The following SPON1 variants were observed in gnomAD, a reference collection of about 807,000 sequenced individuals.
SPON1 encodes spondin 1.
SPON1 carries 52 observed loss-of-function variants against 111.7 expected under a neutral mutation model. The ratio of observed to expected loss-of-function variants is 0.47; its 90% CI spans 0.37 to 0.59. The LOEUF (loss-of-function observed/expected upper bound fraction) is 0.59, where lower values mean the gene tolerates loss of function less well. Among genes scored for constraint, SPON1 ranks in the 20% least tolerant of loss-of-function variants. SPON1 has a pLI of 0.00. For synonymous variants in SPON1, 410 were observed against 395.8 expected (o/e 1.04, Z -0.43); for missense variants, 957 against 1,068.5 (o/e 0.90, Z 1.46).
chr11:14,247,858 A>G (rs1222713922), intron 7 of SPON1, among the ~76,000 whole-genome samples: 1 of 152,236 alleles, frequency 6.6e-6, no homozygotes, highest in Non-Finnish European at 1.5e-5. Flanking sequence ...ATGGTTGGCT[A>G]GATAGCTCTG....
chr11:14,008,699 C>G (rs369439982), intron 2 of SPON1, among the ~76,000 whole-genome samples: 16 of 152,198 alleles, frequency 1.1e-4, no homozygotes, highest in Non-Finnish European at 1.5e-5. Flanking sequence ...TCTACTCAGG[C>G]TCTGGATACC....
chr11:14,145,189 G>A, intron 6 of SPON1, among the ~76,000 whole-genome samples: 1 of 152,196 alleles, frequency 6.6e-6, no homozygotes, highest in Admixed American at 6.5e-5. Context: ...GATTACAGTA[G>A]GACAAGCTGC....
chr11:14,220,811 T>C (rs572342837), intron 6 of SPON1, among the ~76,000 whole-genome samples: 200 of 152,338 alleles, frequency 1.3e-3, no homozygotes, highest in African/African-American at 4.7e-3. Flanking sequence ...GTAATGTTAA[T>C]GTTATTACCC....
chr11:14,062,758 C>T (rs1270406265), intron 3 of SPON1, among the ~76,000 whole-genome samples: 1 of 152,224 alleles, frequency 6.6e-6, no homozygotes, highest in African/African-American at 2.4e-5. Flanking sequence ...ATAATAGAAA[C>T]ATCCTTCACA....
chr11:14,069,910 C>T (rs1848862006), intron 3 of SPON1, among the ~76,000 whole-genome samples: 1 of 152,008 alleles, frequency 6.6e-6, no homozygotes, highest in African/African-American at 2.4e-5. Flanking sequence ...TTTTCTTCTC[C>T]CATGGGCCCA....
chr11:14,000,954 A>ATAAGAACTTC (rs534296267), intron 2 of SPON1, among the ~76,000 whole-genome samples: 28 of 152,360 alleles, frequency 1.8e-4, no homozygotes, highest in African/African-American at 6.3e-4. Flanking sequence ...GAAGAGTTGT[A>ATAAGAACTTC]TAAGAACTTC....
At chr11:13,987,477 A>T (rs1181604537) in intron 2 of SPON1, among the ~76,000 whole-genome samples, 1 of 152,182 alleles carries the variant, frequency 6.6e-6, no homozygotes, top group Non-Finnish European at 1.5e-5. Context: ...GATAGAGTGC[A>T]AAAATTTTCT....
intron 1 of SPON1, among the ~76,000 whole-genome samples, chr11:13,980,201 C>T (rs952707177): frequency 3.3e-5 from 5 of 151,970 alleles, no homozygotes; most frequent in Non-Finnish European, 5.9e-5. Flanking sequence ...CCACCATGTC[C>T]GGCTAATTTT....
In SPON1 at chr11:14,057,837, A is replaced by AAAC. The variant is rs1564895387; in HGVS notation, c.479+16185_479+16186insCAA. ...TAGTGAGACCTTGTCTCTACAAAAA[A>AAAC]AAAAAACAAAACAAAAACTTAAAAA... On this transcript the variant is annotated intron_variant, in intron 3 of 15. Coordinates refer to ENST00000576479, the MANE Select transcript of SPON1 (RefSeq NM_006108.4). 2.1e-4 allele frequency among the ~76,000 whole-genome samples: 31 copies of AAAC among 148,526 alleles called. 1 individual carries two copies. The highest frequency in any genetic ancestry group is 7.4e-4 in the African/African-American group (30 of 40,792).
At position 14,228,795 on chromosome 11, in the gene SPON1, G is replaced by C. The variant is rs544480683; in HGVS notation, c.826-14537G>C. On this transcript the variant is annotated intron_variant, in intron 6 of 15. Transcript: ENST00000576479. The surrounding 1 kb of genome is among the most constrained non-coding windows in gnomAD (Gnocchi z 4.2). ...CACAATAAAGTTGTATAGGGCAACC[G>C]TGAGATGTGAAAACAAATGCATCCC... Among the ~76,000 whole-genome samples, 1 of 152,168 alleles carries C rather than the reference G, an allele frequency of 6.6e-6. No individual in the cohort carries two copies. The highest frequency in any genetic ancestry group is 6.5e-5 in the Admixed American group (1 of 15,276).
intron 5 of SPON1, among the ~76,000 whole-genome samples, chr11:14,115,084 G>A (rs1849257117): frequency 6.6e-6 from 1 of 152,050 alleles, no homozygotes; most frequent in African/African-American, 2.4e-5. Context: ...TCCCACCTTT[G>A]CCTCTTACAG....
At position 14,071,873 on chromosome 11, in the gene SPON1, A is replaced by G. The variant is rs375470083; in HGVS notation, c.480-3472A>G. ...GCCACCTCGCCCGGCTAATTTTTGT[A>G]TTTTTGGTAGAGATGAGGTTTTAGC... On this transcript the variant is annotated intron_variant, in intron 3 of 15. Coordinates refer to ENST00000576479, the MANE Select transcript of SPON1 (RefSeq NM_006108.4). 3.2e-3 allele frequency among the ~76,000 whole-genome samples: 486 copies of G among 152,076 alleles called. 3 individuals carry two copies. The highest frequency in any genetic ancestry group is 0.011 in the African/African-American group (465 of 41,502).
intron 1 of SPON1, among the ~76,000 whole-genome samples, chr11:13,973,212 T>C (rs1406000328): frequency 6.6e-6 from 1 of 152,200 alleles, no homozygotes; most frequent in East Asian, 1.9e-4. Flanking sequence ...TTGTGATTAG[T>C]CCAGTATGGG....
At chr11:14,136,184 A>G (rs986277128) in intron 6 of SPON1, among the ~76,000 whole-genome samples, 11 of 152,204 alleles carry the variant, frequency 7.2e-5, no homozygotes, top group Non-Finnish European at 1.5e-4. Context: ...AAGCCTAATC[A>G]GGTTGACACC....
At chr11:14,245,955 A>G (rs1554940219) in intron 7 of SPON1, among the ~76,000 whole-genome samples, 1 of 152,212 alleles carries the variant, frequency 6.6e-6, no homozygotes, top group Non-Finnish European at 1.5e-5. Context: ...CCCTTTGCAT[A>G]ATTAACATCA....
At chr11:13,967,462 C>T (rs1223825316) in intron 1 of SPON1, among the ~76,000 whole-genome samples, 1 of 150,946 alleles carries the variant, frequency 6.6e-6, no homozygotes, top group Non-Finnish European at 1.5e-5. Context: ...CATGAAGAAC[C>T]TTGTCAGCCT....
In SPON1 at chr11:14,024,691, C is replaced by T. The variant is rs782586861; in HGVS notation, c.346-16830C>T. Reference sequence around the variant, plus strand: ...GCCAGAGTGGTCTTGGAAAATGCAACATTTGGGCACAAAAACAAGAGTGCC... The same window carrying T: ...GCCAGAGTGGTCTTGGAAAATGCAATATTTGGGCACAAAAACAAGAGTGCC... On this transcript the variant is annotated intron_variant, in intron 2 of 15. Transcript: ENST00000576479. Among the ~76,000 whole-genome samples the T allele has an allele frequency of 9.2e-5, 14 of 152,268 alleles. No homozygotes were observed. In the East Asian group the frequency reaches 2.3e-3, roughly 25 times the overall value.
At chr11:13,989,600 T>C (rs1848212079) in intron 2 of SPON1, among the ~76,000 whole-genome samples, 1 of 152,206 alleles carries the variant, frequency 6.6e-6, no homozygotes, top group Non-Finnish European at 1.5e-5. Context: ...TTTGAATTTG[T>C]TTGCTGTTGC....
chr11:14,076,138 C>T (rs943574151), intron 4 of SPON1, among the ~76,000 whole-genome samples: 17 of 152,082 alleles, frequency 1.1e-4, no homozygotes, highest in African/African-American at 3.9e-4. Flanking sequence ...CTCTTGTTAT[C>T]TATATCTGAA....
Sources: allele counts gnomAD v4.1 joint callset (sites outside exome capture counted in the v4.1 genomes callset), GRCh38; gene constraint gnomAD v4.1.1; non-coding constraint Gnocchi (gnomAD v3.1); transcripts MANE v1.5; gene names NCBI Gene and HGNC (gene_info 2026-07-23, HGNC 2026-07-21).